The following NKAIN2 variants were observed in gnomAD, a reference collection of about 807,000 sequenced individuals.
NKAIN2 encodes the protein sodium/potassium transporting ATPase interacting 2.
A neutral mutation model predicts 32.6 loss-of-function variants in NKAIN2; 14 were observed. The ratio of observed to expected loss-of-function variants is 0.43; its 90% CI spans 0.28 to 0.67. The LOEUF (loss-of-function observed/expected upper bound fraction) is 0.67. Ranked by LOEUF, NKAIN2 falls within the 30% of genes least tolerant of loss-of-function variation. The probability of loss-of-function intolerance (pLI) is 0.17; values close to 1 mark genes in which losing one functional copy is unlikely to be tolerated. For synonymous variants in NKAIN2, 80 were observed against 87.2 expected, an observed-to-expected ratio of 0.92 and a Z score of 0.46; for missense variants, 198 against 258.3, an observed-to-expected ratio of 0.77 and a Z score of 1.60.
chr6:124,764,715 C>A (rs539014870), intron 4 of NKAIN2, among the ~76,000 whole-genome samples: 3 of 152,086 alleles, frequency 2.0e-5, no homozygotes, highest in Admixed American at 1.3e-4. Context: ...GAGTCGATAC[C>A]TTTGAGCCTT....
chr6:124,539,577 A>C (rs1300812314), intron 3 of NKAIN2, among the ~76,000 whole-genome samples: 1 of 152,204 alleles, frequency 6.6e-6, no homozygotes, highest in Non-Finnish European at 1.5e-5. Context: ...CTCGTTAAAA[A>C]CAAGTAAGAA....
At chr6:124,534,025 G>T (rs536163070) in intron 3 of NKAIN2, among the ~76,000 whole-genome samples, 1 of 152,270 alleles carries the variant, frequency 6.6e-6, no homozygotes, top group South Asian at 2.1e-4. Context: ...TAGAGGTTAG[G>T]ATTTCAACGT....
intron 3 of NKAIN2, among the ~76,000 whole-genome samples, chr6:124,424,292 G>A (rs1421750121): frequency 6.6e-6 from 1 of 152,010 alleles, no homozygotes; most frequent in Non-Finnish European, 1.5e-5. Flanking sequence ...TGTCTAAAGG[G>A]GTATAATGTG....
intron 4 of NKAIN2, among the ~76,000 whole-genome samples, chr6:124,737,127 G>A (rs946407359): frequency 6.6e-6 from 1 of 151,776 alleles, no homozygotes; most frequent in African/African-American, 2.4e-5. Flanking sequence ...GAATTTGAGG[G>A]GTTCAAGGCT....
At chr6:124,688,711 CATATAGTTGAAGTT>C (rs1774114772) in intron 4 of NKAIN2, among the ~76,000 whole-genome samples, 1 of 152,178 alleles carries the variant, frequency 6.6e-6, no homozygotes, top group African/African-American at 2.4e-5. Context: ...TCCAGAATGT[CATATAGTTGAAGTT>C]ATATGTTGTC....
chr6:123,850,309 C>T (rs1299464737), intron 1 of NKAIN2, among the ~76,000 whole-genome samples: 1 of 148,668 alleles, frequency 6.7e-6, no homozygotes, highest in Admixed American at 6.7e-5. Context: ...CACATTTCCC[C>T]GCCTAACTGG....
intron 3 of NKAIN2, among the ~76,000 whole-genome samples, chr6:124,430,249 A>C (rs1775158258): frequency 6.6e-6 from 1 of 152,238 alleles, no homozygotes; most frequent in Middle Eastern, 3.2e-3. Flanking sequence ...AGTTATTTTG[A>C]AAAGTTTCTC....
intron 1 of NKAIN2, among the ~76,000 whole-genome samples, chr6:124,206,995 G>C (rs1790927772): frequency 6.6e-6 from 1 of 151,526 alleles, no homozygotes; most frequent in Non-Finnish European, 1.5e-5. Flanking sequence ...ACTATATGTG[G>C]TCAAGAAACA....
chr6:124,322,123 A>G (rs1245056789), intron 2 of NKAIN2, among the ~76,000 whole-genome samples: 2 of 152,156 alleles, frequency 1.3e-5, no homozygotes, highest in Non-Finnish European at 2.9e-5. Flanking sequence ...TATTGCACTA[A>G]AAAACTTTGT....
chr6:124,400,344 T>C (rs1276057484), intron 3 of NKAIN2, among the ~76,000 whole-genome samples: 1 of 152,154 alleles, frequency 6.6e-6, no homozygotes, highest in Non-Finnish European at 1.5e-5. Flanking sequence ...CAGTGCTCAC[T>C]GGCAGAAAAC....
At chr6:124,626,571 T>C (rs1052111269) in intron 3 of NKAIN2, among the ~76,000 whole-genome samples, 1 of 152,176 alleles carries the variant, frequency 6.6e-6, no homozygotes, top group Non-Finnish European at 1.5e-5. Flanking sequence ...GTGTAATGAC[T>C]CATGCTTTAT....
chr6:124,041,373 A>C (rs971917669), intron 1 of NKAIN2, among the ~76,000 whole-genome samples: 35 of 152,074 alleles, frequency 2.3e-4, no homozygotes, highest in African/African-American at 8.4e-4. Flanking sequence ...GAGAGGCAGA[A>C]ATTCTGAAAA....
At chr6:124,312,385 A>G (rs1373183961) in intron 2 of NKAIN2, among the ~76,000 whole-genome samples, 2 of 152,132 alleles carry the variant, frequency 1.3e-5, no homozygotes, top group Non-Finnish European at 2.9e-5. Context: ...CCCTTCAGAC[A>G]CCAGTTGCAT....
intron 3 of NKAIN2, among the ~76,000 whole-genome samples, chr6:124,499,305 A>G (rs1056931780): frequency 1.3e-5 from 2 of 152,208 alleles, no homozygotes; most frequent in African/African-American, 2.4e-5. Context: ...TGTTGGTCCT[A>G]CAGCCTGTGC....
chr6:124,021,048 C>T (rs1329354760), intron 1 of NKAIN2, among the ~76,000 whole-genome samples: 1 of 152,060 alleles, frequency 6.6e-6, no homozygotes, highest in Non-Finnish European at 1.5e-5. Flanking sequence ...TTACTGAACA[C>T]TTTACTGTAA....
chr6:123,928,806 A>G (rs1776125793), intron 1 of NKAIN2, among the ~76,000 whole-genome samples: 2 of 152,160 alleles, frequency 1.3e-5, no homozygotes, highest in Non-Finnish European at 2.9e-5. Context: ...CATGGATGAA[A>G]ACGTCCATGG....
intron 1 of NKAIN2, among the ~76,000 whole-genome samples, chr6:124,255,974 T>G (rs576847576): frequency 1.3e-5 from 2 of 152,306 alleles, no homozygotes; most frequent in Non-Finnish European, 1.5e-5. Flanking sequence ...CAGCATCACC[T>G]TTATTTGAAG....
At chr6:124,525,936 A>C (rs1779295108) in intron 3 of NKAIN2, among the ~76,000 whole-genome samples, 1 of 152,228 alleles carries the variant, frequency 6.6e-6, no homozygotes, top group Non-Finnish European at 1.5e-5. Context: ...CAGCAAGTGC[A>C]TATCAACATA....
intron 1 of NKAIN2, among the ~76,000 whole-genome samples, chr6:124,112,199 A>C (rs551413633): frequency 6.6e-6 from 1 of 152,030 alleles, no homozygotes; most frequent in Non-Finnish European, 1.5e-5. Flanking sequence ...ATGCCTTTTC[A>C]TTTTGAATTG....
Sources: gnomAD v4.1 joint callset for allele counts (sites outside exome capture counted in the v4.1 genomes callset) on GRCh38, gnomAD v4.1.1 for gene constraint, MANE v1.5 for transcripts, NCBI Gene and HGNC (gene_info 2026-07-23, HGNC 2026-07-21) for gene names.